Variants in EPHB2 observed in about 807,000 individuals in gnomAD.
The protein encoded by EPHB2 is ephrin type-B receptor 2.
Under a neutral mutation model 96.4 loss-of-function variants are expected in EPHB2, and 18 were observed. That is an observed-to-expected ratio of 0.19 (90% CI 0.13 to 0.28). The LOEUF (loss-of-function observed/expected upper bound fraction) is 0.28. Among genes scored for constraint, EPHB2 ranks in the 10% least tolerant of loss-of-function variants. The pLI is 1.00. For missense variants in EPHB2, 989 were observed against 1,355.4 expected (o/e 0.73, Z 4.25); for synonymous variants, 506 against 534.1 (o/e 0.95, Z 0.72).
At chr1:22,747,193 C>T (rs115053957) in intron 1 of EPHB2, among the ~76,000 whole-genome samples, 5,094 of 152,298 alleles carry the variant, frequency 0.033, 270 homozygotes, top group African/African-American at 0.12. Flanking sequence ...ACTGAGGGCC[C>T]AAGCAAGGCG....
rs142113032 is a variant in EPHB2 at position 22,863,072 on chromosome 1, G to C, written c.847G>C (p.Asp283His). 2.8e-4 allele frequency: 452 copies of C among 1,614,216 alleles called. 1 individual carries two copies. In the Middle Eastern group the frequency reaches 4.8e-3, roughly 17 times the overall value. Residue 283 changes from aspartate to histidine, a missense_variant, in exon 4 of 16, where the codon GAT becomes CAT. Coordinates refer to ENST00000374630, the MANE Select transcript of EPHB2 (RefSeq NM_017449.5). ...PSGTFKANQGDEACTHCPINS... is the reference protein window; with the variant it reads ...PSGTFKANQGHEACTHCPINS... ...TGGGACTTTCAAGGCCAACCAAGGG[G>C]ATGAGGCCTGTACCCACTGTCCCAT...
chr1:22,791,191 T>G (rs1212332706), intron 3 of EPHB2, among the ~76,000 whole-genome samples: 1 of 152,178 alleles, frequency 6.6e-6, no homozygotes, highest in Admixed American at 6.5e-5. Flanking sequence ...TTTTTTTTTT[T>G]CCTGGTGAGC....
chr1:22,821,260 C>G (rs955828866), intron 3 of EPHB2, among the ~76,000 whole-genome samples: 4 of 152,202 alleles, frequency 2.6e-5, no homozygotes, highest in African/African-American at 4.8e-5. Flanking sequence ...CATGACTATA[C>G]TACCCAGATG....
chr1:22,745,431 G>T (rs1245427114), intron 1 of EPHB2, among the ~76,000 whole-genome samples: 1 of 152,212 alleles, frequency 6.6e-6, no homozygotes, highest in Non-Finnish European at 1.5e-5. Context: ...GATCGCGATT[G>T]CCTATGGTGA....
chr1:22,884,876 A>G (rs1639172971), intron 6 of EPHB2, among the ~76,000 whole-genome samples: 1 of 152,106 alleles, frequency 6.6e-6, no homozygotes, highest in Non-Finnish European at 1.5e-5. Flanking sequence ...TATCACAATT[A>G]TCATTTTTTA....
In EPHB2 at chr1:22,909,273, T is replaced by A. The variant is rs147858027; in HGVS notation, c.2502+102T>A. 339 of 1,574,272 alleles carry A rather than the reference T, an allele frequency of 2.2e-4. 6 individuals are homozygous for A. In the East Asian group the frequency reaches 5.1e-3, roughly 24 times the overall value. On this transcript the variant is annotated intron_variant, in intron 13 of 15. Coordinates refer to ENST00000374630, the MANE Select transcript of EPHB2 (RefSeq NM_017449.5). ...TGCCAGTCTCCCAGAGTGTGGGACA[T>A]AGGCTTCTGAGATCATGGGCCTGGC...
intron 3 of EPHB2, among the ~76,000 whole-genome samples, chr1:22,853,721 G>C (rs1240070289): frequency 6.6e-6 from 1 of 152,270 alleles, no homozygotes; most frequent in African/African-American, 2.4e-5. Flanking sequence ...GCCTGCGGTG[G>C]CTGGAGCTCA....
chr1:22,862,515 C>G (rs1375342552), intron 3 of EPHB2, among the ~76,000 whole-genome samples: 1 of 152,166 alleles, frequency 6.6e-6, no homozygotes, highest in African/African-American at 2.4e-5. Flanking sequence ...TAGTAAAAGG[C>G]CTAGCCAGTA....
At chr1:22,841,079 T>C (rs1645460631) in intron 3 of EPHB2, among the ~76,000 whole-genome samples, 2 of 151,184 alleles carry the variant, frequency 1.3e-5, no homozygotes, top group Non-Finnish European at 2.9e-5. Flanking sequence ...GCCCACCACA[T>C]AGCAGGTTCT....
intron 9 of EPHB2, among the ~76,000 whole-genome samples, chr1:22,900,834 C>T (rs1052292994): frequency 6.6e-6 from 1 of 152,182 alleles, no homozygotes; most frequent in Non-Finnish European, 1.5e-5. Flanking sequence ...CACCCAGCCA[C>T]CCTGCGTGGT....
rs114301326 is a variant in EPHB2, at chr1:22,783,797, C to T, written c.127-595C>T. The stretch of plus-strand genomic sequence containing the variant: ...ACTCTCCCCAGGCAGGAAGGGTGGG[C>T]GGCCTCCCTCCAGGTACCCAAGAGG... On this transcript the variant is annotated intron_variant, in intron 2 of 15. Transcript: ENST00000374630. 4.1e-3 allele frequency among the ~76,000 whole-genome samples: 631 copies of T among 152,252 alleles called. 9 individuals carry two copies. The highest frequency in any genetic ancestry group is 0.014 in the African/African-American group (595 of 41,550).
At chr1:22,764,709 G>T (rs935640954) in intron 1 of EPHB2, among the ~76,000 whole-genome samples, 13 of 151,282 alleles carry the variant, frequency 8.6e-5, no homozygotes, top group African/African-American at 2.9e-4. Context: ...TTGCACCACC[G>T]CACTCCAGCC....
chr1:22,713,310 T>G (rs890762072), intron 1 of EPHB2, among the ~76,000 whole-genome samples: 2 of 152,112 alleles, frequency 1.3e-5, no homozygotes, highest in African/African-American at 4.8e-5. Flanking sequence ...CTGCTTCTCA[T>G]TTACTATGGG....
rs930656465 is a variant in EPHB2 at position 22,724,062 on chromosome 1, A to G, written c.61+13019A>G. On this transcript the variant is annotated intron_variant, in intron 1 of 15. Transcript: ENST00000374630. Reference sequence around the variant, plus strand: ...CCAAGCTTAGGCGTCTGGCTCCAAGATAAATGGAGAAAGAGCTGATTTCTT... The same window carrying G: ...CCAAGCTTAGGCGTCTGGCTCCAAGGTAAATGGAGAAAGAGCTGATTTCTT... 4.6e-5 allele frequency among the ~76,000 whole-genome samples: 7 copies of G among 152,380 alleles called. No individual in the cohort carries two copies. The East Asian group carries it at 1.2e-3, about 25-fold the overall frequency.
chr1:22,725,816 C>T (rs1643568779), intron 1 of EPHB2, among the ~76,000 whole-genome samples: 2 of 152,238 alleles, frequency 1.3e-5, no homozygotes, highest in African/African-American at 4.8e-5. Context: ...CGAGCTTCTA[C>T]TCATTCCACC....
At chr1:22,773,828 G>T (rs1644411254) in intron 1 of EPHB2, among the ~76,000 whole-genome samples, 1 of 152,210 alleles carries the variant, frequency 6.6e-6, no homozygotes, top group South Asian at 2.1e-4. Context: ...CTCCAGCATG[G>T]CGCAGTGGCT....
chr1:22,777,727 T>C (rs1249358261), intron 1 of EPHB2, among the ~76,000 whole-genome samples: 1 of 152,134 alleles, frequency 6.6e-6, no homozygotes, highest in East Asian at 1.9e-4. Flanking sequence ...GGCAGGCATA[T>C]CTGGGAGGTG....
At chr1:22,893,516 T>C (rs1639458173) in intron 7 of EPHB2, among the ~76,000 whole-genome samples, 1 of 152,210 alleles carries the variant, frequency 6.6e-6, no homozygotes, top group Non-Finnish European at 1.5e-5. Flanking sequence ...GAATGGGAGA[T>C]CGTAACCTGT....
intron 1 of EPHB2, among the ~76,000 whole-genome samples, chr1:22,737,828 T>C (rs1448653738): frequency 6.6e-6 from 1 of 152,046 alleles, no homozygotes; most frequent in Non-Finnish European, 1.5e-5. Flanking sequence ...GAAAATAACT[T>C]CCCCCTCTAT....
Sources: gnomAD v4.1 joint callset for allele counts (sites outside exome capture counted in the v4.1 genomes callset) on GRCh38, gnomAD v4.1.1 for gene constraint, MANE v1.5 for transcripts, NCBI Gene and HGNC (gene_info 2026-07-23, HGNC 2026-07-21) for gene names.